DDX52: variants seen among roughly 807,000 people sequenced by gnomAD.
The protein encoded by DDX52 is probable ATP-dependent RNA helicase DDX52.
Under a neutral mutation model 76.1 loss-of-function variants are expected in DDX52, and 59 were observed. That is an observed-to-expected ratio of 0.78 (90% CI 0.63 to 0.96). The LOEUF is 0.96. DDX52 is among the 40% of genes least tolerant of loss of function. The pLI, the probability that DDX52 is intolerant of heterozygous loss-of-function variation, is 0.00. For missense variants in DDX52, 707 were observed against 703.9 expected, an observed-to-expected ratio of 1.00 and a Z score of -0.05; for synonymous variants, 231 against 244.1, an observed-to-expected ratio of 0.95 and a Z score of 0.50.
intron 3 of DDX52, 66 bp from the exon 4 acceptor site, chr17:37,632,364 A>T (rs767299834): frequency 5.7e-6 from 9 of 1,568,746 alleles, no homozygotes; most frequent in South Asian, 1.1e-5. Context: ...GATGTTATAA[A>T]GCAACATTAA....
In DDX52 at chr17:37,621,215, C is replaced by G. The variant is rs146778713; in HGVS notation, c.1413G>C (p.Leu471Phe). 4.3e-5 allele frequency: 69 copies of G among 1,613,892 alleles called. No individual in the cohort carries two copies. The highest frequency in any genetic ancestry group is 5.2e-5 in the Non-Finnish European group (61 of 1,179,974). ...GKIWVLICTA[L>F]LARGIDFKGV... ...CTTTAAAATCAATCCCTCTTGCTAG[C>G]AAGGCTGTACAAATCAGAACCCAGA... The change falls in exon 11 of 15, where the codon TTG becomes TTC. Residue 471 changes from leucine (L) to phenylalanine (F), a missense_variant. By Grantham distance (22) the Leu-to-Phe change is conservative. Transcript: ENST00000617633.
In DDX52 at chr17:37,626,097, C is replaced by A. The variant is rs369898002; in HGVS notation, c.934G>T (p.Val312Phe). Residue 312 changes from valine to phenylalanine, a missense_variant and splice_region_variant, in exon 8 of 15, where the codon GTT becomes TTT. Val to Phe is a conservative substitution (Grantham distance 50). Coordinates refer to ENST00000617633, the MANE Select transcript of DDX52 (RefSeq NM_007010.5). ...QDPPGIDLAS[V>F]EWLVVDESDK... ...GATTCGTCTACTACAAGCCACTCAA[C>A]ACTAAGAAATAACAAAACAACTTGT... 2.5e-6 allele frequency: 4 copies of A among 1,613,964 alleles called. No homozygotes were observed. In the African/African-American group the frequency reaches 5.3e-5, roughly 22 times the overall value.
chr17:37,626,060 A>T lies in DDX52; in HGVS notation c.971T>A (p.Phe324Tyr), dbSNP rs1428718726. The T allele has an allele frequency of 6.2e-7, 1 of 1,614,046 alleles. No homozygotes were observed. Among genetic ancestry groups the T allele is most frequent in the Non-Finnish European group, 8.5e-7 (1 of 1,180,040 alleles). ...WLVVDESDKL[F>Y]EDGKTGFRDQ... ...TCTGAACCCAGTTTTGCCATCTTCA[A>T]ACAGTTTATCTGATTCGTCTACTAC... The change falls in exon 8 of 15, where the codon TTT becomes TAT. Residue 324 changes from phenylalanine (F) to tyrosine (Y), a missense_variant. Coordinates refer to ENST00000617633, the MANE Select transcript of DDX52 (RefSeq NM_007010.5).
At chr17:37,618,037 C>T (rs1309388105) in intron 14 of DDX52, among the ~76,000 whole-genome samples, 1 of 152,094 alleles carries the variant, frequency 6.6e-6, no homozygotes, top group African/African-American at 2.4e-5. Context: ...ATGGCTTGAA[C>T]CCGGGAGGCA....
At chr17:37,631,970 G>A (rs1234740359) in intron 4 of DDX52, 143 bp downstream of exon 4, 1 of 1,128,894 alleles carries the variant, frequency 8.9e-7, no homozygotes, top group East Asian at 2.5e-5. Flanking sequence ...TGGAGGCACA[G>A]GCATTTGATG....
At chr17:37,643,227 G>A in intron 1 of DDX52, 107 bp downstream of exon 1, 2 of 1,202,770 alleles carry the variant, frequency 1.7e-6, no homozygotes, top group East Asian at 5.2e-5. Context: ...GGTGGCGAGA[G>A]CCAGGCCACG....
chr17:37,635,538 A>C (rs1244132806), intron 2 of DDX52: 3 of 450,700 alleles, frequency 6.7e-6, no homozygotes, highest in Non-Finnish European at 1.3e-5. Context: ...TGCACCATGT[A>C]TCAACAACTT....
chr17:37,619,744 A>T, intron 13 of DDX52, 24 bp downstream of exon 13: 1 of 1,594,478 alleles, frequency 6.3e-7, no homozygotes, highest in Non-Finnish European at 8.5e-7. Context: ...ACAGACAAAG[A>T]TACAGGTAAA....
chr17:37,632,091 C>A, intron 4 of DDX52, 22 bp downstream of exon 4: 2 of 1,612,080 alleles, frequency 1.2e-6, no homozygotes, highest in South Asian at 2.2e-5. Flanking sequence ...ATGTTACAGG[C>A]ATTCTAGATC....
At chr17:37,626,613 C>A (rs12947529) in intron 7 of DDX52, among the ~76,000 whole-genome samples, 175 bp downstream of exon 7, 1 of 152,056 alleles carries the variant, frequency 6.6e-6, no homozygotes, top group Non-Finnish European at 1.5e-5. Context: ...CTCAAAGATA[C>A]GAGGTTCCAT....
chr17:37,636,019 AC>A (rs1158341623), intron 2 of DDX52, among the ~76,000 whole-genome samples: 1 of 152,204 alleles, frequency 6.6e-6, no homozygotes, highest in Non-Finnish European at 1.5e-5. Context: ...CCTTTGATAT[AC>A]ATTTTGCAAA....
At chr17:37,617,319 A>G (rs183998412) in intron 14 of DDX52, among the ~76,000 whole-genome samples, 1 of 152,244 alleles carries the variant, frequency 6.6e-6, no homozygotes, top group African/African-American at 2.4e-5. Context: ...GGAGAAAAAA[A>G]CAATAAATTA....
At position 37,638,856 on chromosome 17, in the gene DDX52, A is replaced by G. The variant is rs562997913; in HGVS notation, c.286+3254T>C. Among the ~76,000 whole-genome samples the G allele has an allele frequency of 5.5e-5, 8 of 145,204 alleles. No individual in the cohort carries two copies. The South Asian group carries it at 1.8e-3, about 32-fold the overall frequency. ...ATGATCTCAGCTCACTGCAACCTCC[A>G]CCTCCTGGGTTCAAGCGATTTTCCT... On this transcript the variant is annotated intron_variant, in intron 2 of 14. Coordinates refer to ENST00000617633, the MANE Select transcript of DDX52 (RefSeq NM_007010.5).
chr17:37,621,931 GTACAGGTGCATTT>G (rs1447580496), intron 9 of DDX52, among the ~76,000 whole-genome samples: 8 of 152,040 alleles, frequency 5.3e-5, no homozygotes, highest in Non-Finnish European at 8.8e-5. Flanking sequence ...GGATTTAGGG[GTACAGGTGCATTT>G]GTGTTACACA....
chr17:37,618,681 T>TTC (rs771786998), intron 13 of DDX52, among the ~76,000 whole-genome samples: 79 of 152,206 alleles, frequency 5.2e-4, no homozygotes, highest in Non-Finnish European at 9.1e-4. Context: ...GAGATGGGGT[T>TTC]TCTCCATGTT....
chr17:37,641,907 G>A (rs1245775995), intron 2 of DDX52, among the ~76,000 whole-genome samples: 2 of 152,020 alleles, frequency 1.3e-5, no homozygotes, highest in Non-Finnish European at 2.9e-5. Flanking sequence ...AACAGTACCT[G>A]TACAAAAGGA....
At chr17:37,615,725 T>C (rs944563891) in intron 14 of DDX52, among the ~76,000 whole-genome samples, 3 of 151,884 alleles carry the variant, frequency 2.0e-5, no homozygotes, top group African/African-American at 7.3e-5. Context: ...TATAAACTTA[T>C]AAAAATCAGC....
At chr17:37,617,334 CT>C (rs2029874180) in intron 14 of DDX52, among the ~76,000 whole-genome samples, 1 of 152,154 alleles carries the variant, frequency 6.6e-6, no homozygotes, top group South Asian at 2.1e-4. Flanking sequence ...AAATTATAGA[CT>C]TGAACAATTC....
intron 14 of DDX52, among the ~76,000 whole-genome samples, chr17:37,617,781 C>T (rs373477567): frequency 3.7e-4 from 57 of 152,112 alleles, no homozygotes; most frequent in African/African-American, 1.3e-3. Flanking sequence ...TTTTCCAAGA[C>T]GGAAAAAAAC....
Sources: allele counts gnomAD v4.1 joint callset (sites outside exome capture counted in the v4.1 genomes callset), GRCh38; gene constraint gnomAD v4.1.1; transcripts MANE v1.5; gene names NCBI Gene and HGNC (gene_info 2026-07-23, HGNC 2026-07-21).